The following ZC3H3 variants were observed in gnomAD, a reference collection of about 807,000 sequenced individuals.
ZC3H3 encodes the protein zinc finger CCCH domain-containing protein 3.
Under a neutral mutation model 77.3 loss-of-function variants are expected in ZC3H3, and 36 were observed. The observed-to-expected ratio is 0.47, with a 90% CI of 0.36 to 0.61. ZC3H3 has a LOEUF of 0.61. Among genes scored for constraint, ZC3H3 ranks in the 20% least tolerant of loss-of-function variants. The pLI is 0.00. For synonymous variants in ZC3H3, 626 were observed against 555.2 expected, an observed-to-expected ratio of 1.13 and a Z score of -1.79; for missense variants, 1,331 against 1,312.2, an observed-to-expected ratio of 1.01 and a Z score of -0.22.
intron 9 of ZC3H3, among the ~76,000 whole-genome samples, chr8:143,445,978 T>G (rs1819854266): frequency 1.3e-5 from 2 of 152,168 alleles, no homozygotes; most frequent in African/African-American, 4.8e-5. Context: ...GCTCAAATAA[T>G]TCAGAGCATG....
rs1264212756 is a variant in ZC3H3, at chr8:143,507,783, G to C, written c.1678C>G (p.Leu560Val). 1 of 1,600,556 alleles carries C rather than the reference G, an allele frequency of 6.2e-7. No individual in the cohort carries two copies. The highest frequency in any genetic ancestry group is 1.7e-5 in the Admixed American group (1 of 59,786). ...PLSAPPFPLS[L>V]PSWRARRLSL... is the part of the protein sequence containing the mutation. The stretch of plus-strand genomic sequence containing the variant: ...AGCCGCCGGGCCCGCCAGGAGGGCA[G>C]AGACAGGGGGAAGGGCGGGGCGCTG... Residue 560 changes from leucine (L) to valine (V), a missense_variant, in exon 4 of 12, where the codon CTG becomes GTG. Leu to Val is a conservative substitution (Grantham distance 32). This residue lies in a region of ZC3H3 where 978 missense variants were observed against 915.5 expected (regional missense o/e 1.07). Transcript: ENST00000262577.
chr8:143,499,109 A>G (rs1177468194), intron 4 of ZC3H3, among the ~76,000 whole-genome samples: 1 of 152,128 alleles, frequency 6.6e-6, no homozygotes, highest in Non-Finnish European at 1.5e-5. Flanking sequence ...ACCACTGCCA[A>G]GCCCAAGGTT....
At position 143,529,789 on chromosome 8, in the gene ZC3H3, A is replaced by C. The variant is rs564730537; in HGVS notation, c.1561+6468T>G. Among the ~76,000 whole-genome samples the C allele has an allele frequency of 1.2e-3, 185 of 152,258 alleles. 1 individual carries two copies. Among genetic ancestry groups the C allele is most frequent in the Non-Finnish European group, 2.2e-3 (148 of 67,992 alleles). On this transcript the variant is annotated intron_variant, in intron 3 of 11. Transcript: ENST00000262577. ...AAGCCACGACCACCTGGTGGCAGGG[A>C]GGGGCTGAGGGCCAACAGCTCACAC... is the stretch of plus-strand genomic sequence containing the variant.
intron 9 of ZC3H3, among the ~76,000 whole-genome samples, chr8:143,441,635 T>C (rs1454143790): frequency 1.3e-5 from 2 of 152,142 alleles, no homozygotes; most frequent in African/African-American, 4.8e-5. Context: ...GTGCTAATTA[T>C]ACCCACAGGG....
chr8:143,513,906 G>A (rs1821950835), intron 3 of ZC3H3, among the ~76,000 whole-genome samples: 1 of 152,208 alleles, frequency 6.6e-6, no homozygotes, highest in Non-Finnish European at 1.5e-5. Flanking sequence ...GAAGGGCTAT[G>A]GAGCAGCTGA....
chr8:143,475,680 A>C (rs1344584400), intron 4 of ZC3H3, 95 bp from the exon 5 acceptor site: 18 of 1,379,644 alleles, frequency 1.3e-5, no homozygotes, highest in Non-Finnish European at 1.7e-5. Context: ...CTGGCCTCCC[A>C]AGGGGGACAG....
At chr8:143,488,680 G>C (rs1159954424) in intron 4 of ZC3H3, among the ~76,000 whole-genome samples, 2 of 152,234 alleles carry the variant, frequency 1.3e-5, no homozygotes. Flanking sequence ...TGCCATCTTA[G>C]GTAGGAAAGG....
intron 9 of ZC3H3, among the ~76,000 whole-genome samples, chr8:143,453,910 G>A (rs1373118435): frequency 6.6e-6 from 1 of 152,116 alleles, no homozygotes. Context: ...AGCAGACGTG[G>A]ATCAGTCATG....
At chr8:143,503,462 A>C (rs1821588521) in intron 4 of ZC3H3, among the ~76,000 whole-genome samples, 1 of 151,366 alleles carries the variant, frequency 6.6e-6, no homozygotes, top group Admixed American at 6.6e-5. Context: ...CCGGCCACAA[A>C]CCTGAGGCCA....
chr8:143,531,539 T>C (rs1822607322), intron 3 of ZC3H3, among the ~76,000 whole-genome samples: 1 of 152,244 alleles, frequency 6.6e-6, no homozygotes, highest in Admixed American at 6.5e-5. Context: ...CAATGCACTT[T>C]TGAATTCAAT....
chr8:143,506,901 G>A (rs543170234), intron 4 of ZC3H3, among the ~76,000 whole-genome samples: 50 of 152,204 alleles, frequency 3.3e-4, no homozygotes, highest in Non-Finnish European at 7.3e-5. Context: ...GGGTGGCCGT[G>A]CCCTGGGCCG....
At chr8:143,532,660 T>G (rs1224859699) in intron 3 of ZC3H3, among the ~76,000 whole-genome samples, 1 of 152,202 alleles carries the variant, frequency 6.6e-6, no homozygotes, top group Admixed American at 6.5e-5. Flanking sequence ...CACTGCAGCG[T>G]TCAACGAAAC....
At chr8:143,499,919 G>A (rs764985712) in intron 4 of ZC3H3, among the ~76,000 whole-genome samples, 23 of 152,188 alleles carry the variant, frequency 1.5e-4, no homozygotes, top group African/African-American at 1.9e-4. Flanking sequence ...CAGCAGTGCC[G>A]CCTCTCAGCT....
chr8:143,488,704 A>C (rs184105507), intron 4 of ZC3H3, among the ~76,000 whole-genome samples: 1,589 of 152,372 alleles, frequency 0.01, 117 homozygotes, highest in Admixed American at 0.098. Context: ...TTCTCAGCAC[A>C]TCAATACATG....
chr8:143,504,129 C>A (rs1157688598), intron 4 of ZC3H3, among the ~76,000 whole-genome samples: 1 of 152,170 alleles, frequency 6.6e-6, no homozygotes, highest in Non-Finnish European at 1.5e-5. Context: ...GGGAACAGGC[C>A]TAATCACCCT....
chr8:143,467,632 C>T (rs530690792), intron 8 of ZC3H3, among the ~76,000 whole-genome samples: 4 of 152,224 alleles, frequency 2.6e-5, no homozygotes, highest in African/African-American at 9.6e-5. Flanking sequence ...AGGAGCTACA[C>T]ATGTCCCCCC....
At chr8:143,539,520 G>C (rs1398728463) in intron 1 of ZC3H3, among the ~76,000 whole-genome samples, 200 bp from the exon 2 acceptor site, 1 of 152,176 alleles carries the variant, frequency 6.6e-6, no homozygotes, top group Non-Finnish European at 1.5e-5. Flanking sequence ...TCGCTTCTAT[G>C]AGCCTTTTCT....
chr8:143,513,424 C>T (rs1821934245), intron 3 of ZC3H3, among the ~76,000 whole-genome samples: 1 of 152,172 alleles, frequency 6.6e-6, no homozygotes, highest in Non-Finnish European at 1.5e-5. Context: ...TGATCCTGCC[C>T]CCACCAAGGC....
At chr8:143,477,694 C>T (rs557959020) in intron 4 of ZC3H3, among the ~76,000 whole-genome samples, 21 of 152,296 alleles carry the variant, frequency 1.4e-4, no homozygotes, top group South Asian at 1.2e-3. Flanking sequence ...ACAGGAGCTA[C>T]GGCCACTACC....
Sources: allele counts gnomAD v4.1 joint callset (sites outside exome capture counted in the v4.1 genomes callset), GRCh38; gene constraint gnomAD v4.1.1; regional missense constraint gnomAD v4.1.1; transcripts MANE v1.5; gene names NCBI Gene and HGNC (gene_info 2026-07-23, HGNC 2026-07-21).